The following PIK3R6 variants were observed in gnomAD, a reference collection of about 807,000 sequenced individuals.
The protein encoded by PIK3R6 is phosphoinositide-3-kinase regulatory subunit 6.
In PIK3R6, 91 loss-of-function variants were observed where a neutral mutation model predicts 84.9. The observed-to-expected ratio is 1.07, with a 90% CI of 0.90 to 1.28. PIK3R6 has a LOEUF of 1.28. Ranked by LOEUF, PIK3R6 falls within the 50% of genes most tolerant of loss-of-function variation. The pLI, the probability that PIK3R6 is intolerant of heterozygous loss-of-function variation, is 0.00. For missense variants in PIK3R6, 996 were observed against 985.1 expected (o/e 1.01, Z -0.15); for synonymous variants, 416 against 411.4 (o/e 1.01, Z -0.13).
intron 2 of PIK3R6, among the ~76,000 whole-genome samples, chr17:8,846,181 C>T (rs369854815): frequency 6.6e-6 from 1 of 152,184 alleles, no homozygotes. Context: ...CTGCATATGG[C>T]TAGCCAGTTA....
At chr17:8,861,181 CAAAAAAA>C (rs35125812) in intron 1 of PIK3R6, among the ~76,000 whole-genome samples, 2 of 95,662 alleles carry the variant, frequency 2.1e-5, no homozygotes, top group African/African-American at 4.0e-5. Flanking sequence ...GACTCTGTCT[CAAAAAAA>C]AAAAAAAAAA....
intron 7 of PIK3R6, among the ~76,000 whole-genome samples, 156 bp from the exon 8 acceptor site, chr17:8,835,612 A>G (rs923043872): frequency 2.0e-5 from 3 of 152,188 alleles, no homozygotes; most frequent in Admixed American, 2.0e-4. Flanking sequence ...GTGGGATGAC[A>G]ATAGGGAGTG....
chr17:8,819,855 TAGAC>T (rs2087669504), intron 17 of PIK3R6, among the ~76,000 whole-genome samples: 2 of 146,810 alleles, frequency 1.4e-5, no homozygotes, highest in African/African-American at 5.0e-5. Context: ...TATGTATATA[TAGAC>T]ACACATATAT....
rs2088693745 is a variant in PIK3R6, at chr17:8,842,013, A to C, written c.14-2316T>G. Among the ~76,000 whole-genome samples, 1 of 151,998 alleles carries C rather than the reference A, an allele frequency of 6.6e-6. No individual in the cohort carries two copies. The highest frequency in any genetic ancestry group is 2.4e-5 in the African/African-American group (1 of 41,374). ...TGTTCCCCTGAGAACTGGTTGTTAA[A>C]AAGAGCCCGGCACCTTCCCCCTCTC... On this transcript the variant is annotated intron_variant, in intron 2 of 19. Transcript: ENST00000619866. This position sits in a 1 kb window ranked among gnomAD's most constrained non-coding sequence, Gnocchi z 4.5.
chr17:8,851,247 C>T (rs573143077), intron 1 of PIK3R6, among the ~76,000 whole-genome samples: 3 of 152,138 alleles, frequency 2.0e-5, no homozygotes, highest in Admixed American at 6.5e-5. Flanking sequence ...CCTGTAATCC[C>T]AGCATTTTGG....
intron 18 of PIK3R6, among the ~76,000 whole-genome samples, chr17:8,809,693 G>T (rs961847840): frequency 2.6e-5 from 4 of 152,138 alleles, no homozygotes; most frequent in Non-Finnish European, 4.4e-5. Context: ...TACTCAGGAG[G>T]TTGAAGTAGG....
intron 13 of PIK3R6, 70 bp from the exon 14 acceptor site, chr17:8,823,567 G>T: frequency 9.1e-7 from 1 of 1,094,742 alleles, no homozygotes; most frequent in Non-Finnish European, 1.4e-6. Context: ...ATTTTCTTCA[G>T]AGAGAAACTT....
rs767592435 is a variant in PIK3R6 at position 8,804,038 on chromosome 17, C to A, written c.2108+3G>T. ...CATCTAGGGTTGGCAGGCCCAGCCTCACCTGACCACATCCCTGAAAGTGCG... is the reference window on the plus strand; with the variant it reads ...CATCTAGGGTTGGCAGGCCCAGCCTAACCTGACCACATCCCTGAAAGTGCG... On this transcript the variant is annotated splice_donor_region_variant and intron_variant, in intron 19 of 19. Coordinates refer to ENST00000619866, the MANE Select transcript of PIK3R6 (RefSeq NM_001010855.4). The A allele has an allele frequency of 1.2e-6, 2 of 1,612,910 alleles. No individual in the cohort carries two copies. The highest frequency in any genetic ancestry group is 2.7e-5 in the African/African-American group (2 of 74,918).
At position 8,862,069 on chromosome 17, in the gene PIK3R6, G is replaced by A. The variant is rs2089298919; in HGVS notation, c.-92+5460C>T. ...CATTAAATGTGTGGGTGCAAGACCTGAGCAGAAATGTGTTCTGATTGACAG... is the reference window on the plus strand; with the variant it reads ...CATTAAATGTGTGGGTGCAAGACCTAAGCAGAAATGTGTTCTGATTGACAG... On this transcript the variant is annotated intron_variant, in intron 1 of 19. Coordinates refer to ENST00000619866, the MANE Select transcript of PIK3R6 (RefSeq NM_001010855.4). The surrounding 1 kb of genome is among the most constrained non-coding windows in gnomAD (Gnocchi z 4.3). Among the ~76,000 whole-genome samples, 1 of 152,180 alleles carries A rather than the reference G, an allele frequency of 6.6e-6. No individual in the cohort carries two copies. The highest frequency in any genetic ancestry group is 2.1e-4 in the South Asian group (1 of 4,824).
chr17:8,857,644 A>G (rs1444909456), intron 1 of PIK3R6, among the ~76,000 whole-genome samples: 2 of 152,182 alleles, frequency 1.3e-5, no homozygotes, highest in African/African-American at 4.8e-5. Flanking sequence ...TTTAATTGAA[A>G]GTAAAATTCC....
At position 8,803,412 on chromosome 17, in the gene PIK3R6, C is replaced by A. The variant is rs578240540; in HGVS notation, c.2126G>T (p.Cys709Phe). 4 of 1,608,106 alleles carry A rather than the reference C, an allele frequency of 2.5e-6. No homozygotes were observed. Among genetic ancestry groups the A allele is most frequent in the South Asian group, 2.2e-5 (2 of 90,158 alleles). ...RDVVRFEVAP[C>F]PEPCSGAQKS... ...CTGGGCCCCAGAACATGGTTCTGGGCAGGGAGCAACCTCGAATCTGTGGGT... is the reference window on the plus strand; with the variant it reads ...CTGGGCCCCAGAACATGGTTCTGGGAAGGGAGCAACCTCGAATCTGTGGGT... Residue 709 changes from cysteine (C) to phenylalanine (F), a missense_variant, in exon 20 of 20, where the codon TGC becomes TTC. Transcript: ENST00000619866. This position sits in a 1 kb window ranked among gnomAD's most constrained non-coding sequence, Gnocchi z 5.0.
At position 8,819,003 on chromosome 17, in the gene PIK3R6, A is replaced by T; in HGVS notation, c.1995+80T>A. 3.8e-6 allele frequency: 4 copies of T among 1,053,406 alleles called. No individual in the cohort carries two copies. The South Asian group carries it at 6.8e-5, about 18-fold the overall frequency. The allele number at this position is 1,053,406 out of a possible 1,614,324, so 65.3% of individuals were successfully genotyped here. A position where few individuals can be genotyped will look rare whatever the true frequency, so the allele number is the denominator to read the frequency against. Reference sequence around the variant, plus strand: ...CTGGGAAGTCAGTTCCCTTCTCTGAATGCCCTCCCCTCTGGGCTCCCAGCC... The same window carrying T: ...CTGGGAAGTCAGTTCCCTTCTCTGATTGCCCTCCCCTCTGGGCTCCCAGCC... On this transcript the variant is annotated intron_variant, in intron 18 of 19. Transcript: ENST00000619866.
chr17:8,845,512 T>A (rs1487643634), intron 2 of PIK3R6, among the ~76,000 whole-genome samples: 1 of 152,204 alleles, frequency 6.6e-6, no homozygotes, highest in African/African-American at 2.4e-5. Flanking sequence ...GGGTTATTTG[T>A]TTTTTGCTTA....
In PIK3R6 at chr17:8,838,555, G is replaced by T; in HGVS notation, c.189+9C>A. Reference sequence around the variant, plus strand: ...TCCCCGTCTTCCTCCCTGAGGTCCAGGAACTCACCTTCTCCAGTTCTCTGA... The same window carrying T: ...TCCCCGTCTTCCTCCCTGAGGTCCATGAACTCACCTTCTCCAGTTCTCTGA... On this transcript the variant is annotated intron_variant, in intron 4 of 19. Coordinates refer to ENST00000619866, the MANE Select transcript of PIK3R6 (RefSeq NM_001010855.4). 1 of 1,590,006 alleles carries T rather than the reference G, an allele frequency of 6.3e-7. No homozygotes were observed. Among genetic ancestry groups the T allele is most frequent in the East Asian group, 2.3e-5 (1 of 43,792 alleles).
At chr17:8,845,896 C>T (rs1289228233) in intron 2 of PIK3R6, among the ~76,000 whole-genome samples, 1 of 152,140 alleles carries the variant, frequency 6.6e-6, no homozygotes, top group Non-Finnish European at 1.5e-5. Context: ...GAGATTACGC[C>T]ACTGCACTCC....
In PIK3R6 at chr17:8,828,860, G is replaced by A. The variant is rs764771952; in HGVS notation, c.1020C>T (p.Ser340=). 3 of 1,593,308 alleles carry A rather than the reference G, an allele frequency of 1.9e-6. No individual in the cohort carries two copies. The highest frequency in any genetic ancestry group is 1.1e-5 in the South Asian group (1 of 88,442). The part of the protein sequence containing the change: ...LARVSVLSTD[S]GIERDLPTGA... ...CCGTGGGAAGGTCCCGCTCAATGCCGCTGTCAGTGGACAGCACAGAAACCC... is the reference window on the plus strand; with the variant it reads ...CCGTGGGAAGGTCCCGCTCAATGCCACTGTCAGTGGACAGCACAGAAACCC... The change falls in exon 11 of 20, where the codon AGC becomes AGT. Residue 340 remains serine, a synonymous_variant. Coordinates refer to ENST00000619866, the MANE Select transcript of PIK3R6 (RefSeq NM_001010855.4).
intron 1 of PIK3R6, among the ~76,000 whole-genome samples, chr17:8,857,841 A>G (rs1220556481): frequency 6.6e-6 from 1 of 150,776 alleles, no homozygotes; most frequent in African/African-American, 2.4e-5. Context: ...CAGAGGTTGC[A>G]GTGAGCTGCA....
At chr17:8,835,520 A>T in intron 7 of PIK3R6, 64 bp from the exon 8 acceptor site, 1 of 1,388,940 alleles carries the variant, frequency 7.2e-7, no homozygotes, top group Non-Finnish European at 9.8e-7. Flanking sequence ...GGGCCACCGG[A>T]TGGGCACCCT....
chr17:8,856,212 C>G (rs990261208), intron 1 of PIK3R6, among the ~76,000 whole-genome samples: 2 of 152,190 alleles, frequency 1.3e-5, no homozygotes, highest in Admixed American at 1.3e-4. Flanking sequence ...ACTGTAAATT[C>G]CCATGCAGTG....
Sources: gnomAD v4.1 joint callset for allele counts (sites outside exome capture counted in the v4.1 genomes callset) on GRCh38, gnomAD v4.1.1 for gene constraint, Gnocchi (gnomAD v3.1) non-coding constraint, MANE v1.5 for transcripts, NCBI Gene and HGNC (gene_info 2026-07-23, HGNC 2026-07-21) for gene names.